LPO: variants seen among roughly 807,000 people sequenced by gnomAD.
LPO encodes the protein salivary peroxidase.
Under a neutral mutation model 68.4 loss-of-function variants are expected in LPO, and 70 were observed. The ratio of observed to expected loss-of-function variants is 1.02; its 90% confidence interval spans 0.84 to 1.25. LPO has a LOEUF of 1.25. Among genes scored for constraint, LPO ranks in the 50% most tolerant of loss-of-function variants. LPO has a pLI of 0.00. For missense variants in LPO, 873 were observed against 908.4 expected (o/e 0.96, Z 0.50); for synonymous variants, 360 against 357.6 (o/e 1.01, Z -0.08).
chr17:58,255,040 G>C, intron 9 of LPO, 69 bp downstream of exon 9: 1 of 1,545,076 alleles, frequency 6.5e-7, no homozygotes, highest in East Asian at 2.3e-5. Context: ...CCCTCTGCTG[G>C]CTGCTGTGCC....
At chr17:58,249,855 C>G (rs1410656869) in intron 6 of LPO, among the ~76,000 whole-genome samples, 160 bp downstream of exon 6, 1 of 152,004 alleles carries the variant, frequency 6.6e-6, no homozygotes, top group Admixed American at 6.5e-5. Flanking sequence ...GGCAGCAGAG[C>G]TCGGAGCCCG....
At chr17:58,254,606 T>G in intron 8 of LPO, 1 of 500,556 alleles carries the variant, frequency 2.0e-6, no homozygotes, top group Admixed American at 3.6e-5. Flanking sequence ...GTCACACAGC[T>G]AAAAAGTGTG....
Position 58,252,208 on chromosome 17 carries a change from G to T in LPO, c.807G>T (p.Gly269=). ...IMFPPNDPKA[G]TQGKCMPFFR... ...TCCCACCCAATGACCCCAAGGCGGG[G>T]ACTCAAGGGAAATGCATGCCTTTCT... Residue 269 remains glycine, a synonymous_variant, in exon 8 of 13, where the codon GGG becomes GGT. Transcript: ENST00000262290. The T allele has an allele frequency of 1.2e-6, 2 of 1,614,094 alleles. No individual in the cohort carries two copies. Among genetic ancestry groups the T allele is most frequent in the Non-Finnish European group, 1.7e-6 (2 of 1,180,006 alleles).
rs184717397 is a variant in LPO at position 58,262,465 on chromosome 17, C to T, written c.1267-2257C>T. Among the ~76,000 whole-genome samples the T allele has an allele frequency of 9.1e-4, 139 of 152,344 alleles. 1 individual carries two copies. In the East Asian group the frequency reaches 9.8e-3, roughly 11 times the overall value. ...AGTGCAGTGGCAACATCTCGACTCA[C>T]GGCAACCTCCGCCTCCCGGGCTCAA... On this transcript the variant is annotated intron_variant, in intron 9 of 12. Coordinates refer to ENST00000262290, the MANE Select transcript of LPO (RefSeq NM_006151.3).
Position 58,266,257 on chromosome 17 carries a change from A to G in LPO, c.1624A>G (p.Thr542Ala), listed in dbSNP as rs180798090. 3.2e-5 allele frequency: 51 copies of G among 1,614,122 alleles called. No homozygotes were observed. In the East Asian group the frequency reaches 4.9e-4, roughly 16 times the overall value. ...GCTGCGCAACAAGCTTTTCCAGCCAACTCACAGGATCCATGGCTTTGACCT... is the reference window on the plus strand; with the variant it reads ...GCTGCGCAACAAGCTTTTCCAGCCAGCTCACAGGATCCATGGCTTTGACCT... ...GELRNKLFQP[T>A]HRIHGFDLAA... Residue 542 changes from threonine to alanine, a missense_variant, in exon 11 of 13, where the codon ACT becomes GCT. Transcript: ENST00000262290.
At chr17:58,242,160 G>A (rs1433344916) in intron 1 of LPO, among the ~76,000 whole-genome samples, 1 of 152,212 alleles carries the variant, frequency 6.6e-6, no homozygotes, top group Non-Finnish European at 1.5e-5. Context: ...CTCCTCAGAA[G>A]ATGTATGGGG....
rs1344007926 is a variant in LPO, at chr17:58,238,699, G to A, written c.-43G>A. The A allele has an allele frequency of 6.6e-6, 1 of 152,174 alleles. No individual in the cohort carries two copies. The highest frequency in any genetic ancestry group is 1.5e-5 in the Non-Finnish European group (1 of 68,028). The allele number at this position is 152,174 out of a possible 1,614,324, so 9.4% of individuals were successfully genotyped here. ...TAAAAGACCAGCTCCTCCAAGCAGA[G>A]CAACTCCCTGGCTGCCGTGAAAAGA... On this transcript the variant is annotated 5_prime_UTR_variant, in exon 1 of 13. Coordinates refer to ENST00000262290, the MANE Select transcript of LPO (RefSeq NM_006151.3).
intron 3 of LPO, among the ~76,000 whole-genome samples, chr17:58,247,130 CCT>C (rs796454620): frequency 4.3e-4 from 65 of 152,254 alleles, no homozygotes; most frequent in African/African-American, 1.5e-3. Flanking sequence ...CAGATCCACC[CCT>C]GTGTCTGTCC....
In LPO at chr17:58,252,431, C is replaced by A; in HGVS notation, c.1030C>A (p.Leu344Met). 1 of 1,614,168 alleles carries A rather than the reference C, an allele frequency of 6.2e-7. No homozygotes were observed. The highest frequency in any genetic ancestry group is 8.5e-7 in the Non-Finnish European group (1 of 1,180,040). The change falls in exon 8 of 13, where the codon CTG becomes ATG. Residue 344 changes from leucine to methionine, a missense_variant. Physicochemically the swap from Leu to Met is conservative, Grantham distance 15 (BLOSUM62 2). Coordinates refer to ENST00000262290, the MANE Select transcript of LPO (RefSeq NM_006151.3). ...GGTCTCAGACCATGGACTACCCTACCTGCCCTATGACAGCAAGAAGCCAAG... is the reference window on the plus strand; with the variant it reads ...GGTCTCAGACCATGGACTACCCTACATGCCCTATGACAGCAAGAAGCCAAG... The part of the protein sequence containing the change: ...QEVSDHGLPY[L>M]PYDSKKPSPC...
chr17:58,252,285 A>G lies in LPO; in HGVS notation c.884A>G (p.Glu295Gly), dbSNP rs369978767. The G allele has an allele frequency of 4.3e-5, 69 of 1,613,980 alleles. No individual in the cohort carries two copies. Among genetic ancestry groups the G allele is most frequent in the Non-Finnish European group, 5.7e-5 (67 of 1,180,028 alleles). Residue 295 changes from glutamate (E) to glycine (G), a missense_variant, in exon 8 of 13, where the codon GAG (glutamate) becomes GGG (glycine). Transcript: ENST00000262290. ...CCACCCTACAAGTCCCTGGCCCGAGAGCAGATCAACGCTCTGACCTCCTTC... is the reference window on the plus strand; with the variant it reads ...CCACCCTACAAGTCCCTGGCCCGAGGGCAGATCAACGCTCTGACCTCCTTC... ...PTPPYKSLAREQINALTSFLD... is the reference protein window; with the variant it reads ...PTPPYKSLARGQINALTSFLD...
Position 58,255,985 on chromosome 17 carries a change from C to T in LPO, c.1266+1014C>T, listed in dbSNP as rs912842113. Among the ~76,000 whole-genome samples the T allele has an allele frequency of 2.0e-5, 3 of 152,162 alleles. No homozygotes were observed. The East Asian group carries it at 5.8e-4, about 29-fold the overall frequency. ...TACTGTCCCCTAAAACTCCCTCATG[C>T]TATCTCTTCATAGCCACATCCACCC... On this transcript the variant is annotated intron_variant, in intron 9 of 12. Transcript: ENST00000262290.
chr17:58,249,012 T>C, intron 4 of LPO, 48 bp from the exon 5 acceptor site: 1 of 1,451,934 alleles, frequency 6.9e-7, no homozygotes, highest in Non-Finnish European at 9.7e-7. Context: ...CACGGGTGCC[T>C]GTGAATGGAG....
At chr17:58,267,655 C>A in intron 12 of LPO, 69 bp downstream of exon 12, 3 of 1,486,258 alleles carry the variant, frequency 2.0e-6, no homozygotes, top group African/African-American at 1.4e-5. Context: ...CAAGGTCCTG[C>A]GTGAGCGCTG....
intron 9 of LPO, among the ~76,000 whole-genome samples, chr17:58,261,449 G>T (rs1272837171): frequency 1.3e-5 from 2 of 151,214 alleles, no homozygotes; most frequent in Non-Finnish European, 2.9e-5. Flanking sequence ...AAAAATTTAT[G>T]TCTGCATGAT....
intron 1 of LPO, among the ~76,000 whole-genome samples, chr17:58,239,946 G>A (rs1249300250): frequency 6.6e-6 from 1 of 152,134 alleles, no homozygotes; most frequent in East Asian, 1.9e-4. Context: ...TATTCATTCA[G>A]CATGCACCCA....
intron 8 of LPO, chr17:58,254,552 G>C (rs1370592399): frequency 2.9e-6 from 1 of 344,846 alleles, no homozygotes; most frequent in South Asian, 5.7e-5. Flanking sequence ...CATTTTCATA[G>C]GTAAGGAGAC....
intron 9 of LPO, among the ~76,000 whole-genome samples, chr17:58,255,426 A>C (rs1300307371): frequency 6.6e-6 from 1 of 152,226 alleles, no homozygotes; most frequent in African/African-American, 2.4e-5. Context: ...TGATGTGTTG[A>C]TATTAACCAT....
chr17:58,256,474 TA>T (rs1411484061), intron 9 of LPO, among the ~76,000 whole-genome samples: 1 of 151,768 alleles, frequency 6.6e-6, no homozygotes, highest in African/African-American at 2.4e-5. Flanking sequence ...TGGGGTACAT[TA>T]GATGGCTTGA....
At chr17:58,244,519 T>A (rs954611298) in intron 3 of LPO, 1 of 170,626 alleles carries the variant, frequency 5.9e-6, no homozygotes, top group Non-Finnish European at 1.3e-5. Flanking sequence ...AAGGAAGCTG[T>A]GATGGGGTGA....
Sources: gnomAD v4.1 joint callset for allele counts (sites outside exome capture counted in the v4.1 genomes callset) on GRCh38, gnomAD v4.1.1 for gene constraint, MANE v1.5 for transcripts, NCBI Gene and HGNC (gene_info 2026-07-23, HGNC 2026-07-21) for gene names.